Variants in CD83 observed in about 807,000 individuals in gnomAD.
The protein encoded by CD83 is CD83 molecule.
A neutral mutation model predicts 24.6 loss-of-function variants in CD83; 22 were observed. The ratio of observed to expected loss-of-function variants is 0.90; its 90% CI spans 0.64 to 1.28. The LOEUF is 1.28. Among genes scored for constraint, CD83 ranks in the 50% most tolerant of loss-of-function variants. The probability of loss-of-function intolerance (pLI) is 0.00; values close to 1 mark genes in which losing one functional copy is unlikely to be tolerated. For missense variants in CD83, 253 were observed against 252.8 expected, an observed-to-expected ratio of 1.00 and a Z score of -0.01; for synonymous variants, 101 against 103.5, an observed-to-expected ratio of 0.98 and a Z score of 0.14.
chr6:14,133,613 T>C (rs771430486), intron 3 of CD83, 36 bp from the exon 4 acceptor site: 2 of 1,418,364 alleles, frequency 1.4e-6, no homozygotes, highest in Non-Finnish European at 2.0e-6. Flanking sequence ...AAAAATCCTG[T>C]TAAAATGGCT....
chr6:14,126,439 TG>T (rs1759816399), intron 2 of CD83, among the ~76,000 whole-genome samples: 1 of 151,860 alleles, frequency 6.6e-6, no homozygotes, highest in Admixed American at 6.6e-5. Flanking sequence ...AGCCTGAGAG[TG>T]GTTCAGTCAG....
chr6:14,126,455 C>T (rs1399463140), intron 2 of CD83, among the ~76,000 whole-genome samples: 2 of 152,122 alleles, frequency 1.3e-5, no homozygotes, highest in East Asian at 1.9e-4. Flanking sequence ...AGTCAGTTGG[C>T]CAAGAGCAGA....
At chr6:14,121,502 G>A (rs1184116245) in intron 2 of CD83, among the ~76,000 whole-genome samples, 6 of 151,140 alleles carry the variant, frequency 4.0e-5, no homozygotes, top group Non-Finnish European at 8.8e-5. Flanking sequence ...GACTGGGTGT[G>A]GTGGCTGAGG....
At chr6:14,117,518 G>C (rs1281722764), upstream of CD83, 3 of 150,418 alleles carry the variant, frequency 2.0e-5, no homozygotes, top group African/African-American at 7.3e-5. The surrounding 1 kb of genome is among the most constrained non-coding windows in gnomAD (Gnocchi z 4.6). Flanking sequence ...CCGCAGCAGC[G>C]ACGCGAACTC....
intron 2 of CD83, among the ~76,000 whole-genome samples, chr6:14,120,572 A>T (rs1315082928): frequency 1.3e-5 from 2 of 152,200 alleles, no homozygotes; most frequent in Non-Finnish European, 2.9e-5. Context: ...CCAGCTTAGG[A>T]GGGGGCTTCA....
At chr6:14,121,950 T>C (rs1759680670) in intron 2 of CD83, among the ~76,000 whole-genome samples, 1 of 152,054 alleles carries the variant, frequency 6.6e-6, no homozygotes, top group Non-Finnish European at 1.5e-5. Context: ...TATCCCAGAG[T>C]TGCAATGCCT....
In CD83 at chr6:14,119,137, A is replaced by G. The variant is rs181438882; in HGVS notation, c.153+1072A>G. ...CAGTTCCCTGGGGGGCAGTGGCTGT[A>G]TCCATACTTCTGTGTATTCTTCACG... On this transcript the variant is annotated intron_variant, in intron 2 of 4. Coordinates refer to ENST00000379153, the MANE Select transcript of CD83 (RefSeq NM_004233.4). 6.6e-5 allele frequency among the ~76,000 whole-genome samples: 10 copies of G among 152,306 alleles called. No individual in the cohort carries two copies. The East Asian group carries it at 1.7e-3, about 26-fold the overall frequency.
intron 2 of CD83, among the ~76,000 whole-genome samples, chr6:14,120,328 T>C (rs1759643775): frequency 6.6e-6 from 1 of 152,204 alleles, no homozygotes; most frequent in Admixed American, 6.5e-5. Flanking sequence ...ATTATGCTTA[T>C]ACAACAAAAA....
upstream of CD83, among the ~76,000 whole-genome samples, chr6:14,117,484 G>A (rs952949469): frequency 9.2e-5 from 14 of 151,412 alleles, no homozygotes; most frequent in Non-Finnish European, 1.9e-4. This position sits in a 1 kb window ranked among gnomAD's most constrained non-coding sequence, Gnocchi z 4.6. Context: ...GGCGTCACGC[G>A]GGGATTGCTG....
intron 2 of CD83, among the ~76,000 whole-genome samples, chr6:14,119,215 G>A (rs1246014446): frequency 2.0e-5 from 3 of 152,158 alleles, no homozygotes; most frequent in Admixed American, 6.5e-5. Context: ...ATTCAGCCCA[G>A]CACTTCATGA....
At chr6:14,125,161 T>A (rs1024494668) in intron 2 of CD83, among the ~76,000 whole-genome samples, 27 of 152,234 alleles carry the variant, frequency 1.8e-4, no homozygotes, top group Non-Finnish European at 2.9e-4. Flanking sequence ...TCTGGCCTCC[T>A]GAACTGTGAG....
intron 2 of CD83, among the ~76,000 whole-genome samples, chr6:14,131,123 A>G (rs1264847858): frequency 1.3e-5 from 2 of 152,240 alleles, no homozygotes; most frequent in African/African-American, 2.4e-5. Flanking sequence ...AATAGGAATC[A>G]TTCAGTGGGT....
intron 3 of CD83, among the ~76,000 whole-genome samples, chr6:14,132,440 GATA>G (rs1757931444): frequency 6.6e-6 from 1 of 152,142 alleles, no homozygotes; most frequent in African/African-American, 2.4e-5. Context: ...CTTCCATGGC[GATA>G]TTGCCTACAA....
chr6:14,126,453 G>A (rs922993239), intron 2 of CD83, among the ~76,000 whole-genome samples: 36 of 152,100 alleles, frequency 2.4e-4, no homozygotes, highest in African/African-American at 8.5e-4. Flanking sequence ...TCAGTCAGTT[G>A]GCCAAGAGCA....
rs762995685 is a variant in CD83, at chr6:14,117,845, T to A, written c.34T>A (p.Cys12Ser). 6.3e-7 allele frequency: 1 copy of A among 1,575,312 alleles called. No homozygotes were observed. The highest frequency in any genetic ancestry group is 2.3e-5 in the East Asian group (1 of 42,876). Residue 12 changes from cysteine to serine, a missense_variant, in exon 1 of 5, where the codon TGC becomes AGC. By Grantham distance (112) the Cys-to-Ser change is moderately radical. Coordinates refer to ENST00000379153, the MANE Select transcript of CD83 (RefSeq NM_004233.4). This position sits in a 1 kb window ranked among gnomAD's most constrained non-coding sequence, Gnocchi z 4.6. Reference sequence around the variant, plus strand: ...CGGCCTCCAGCTTCTGCTCCTGAGCTGCGGTAGGGCTCGCGAGCGCCTGTC... The same window carrying A: ...CGGCCTCCAGCTTCTGCTCCTGAGCAGCGGTAGGGCTCGCGAGCGCCTGTC... ...SRGLQLLLLSCAYSLAPATPE... is the reference protein window; with the variant it reads ...SRGLQLLLLSSAYSLAPATPE...
chr6:14,128,360 T>C (rs1309453056), intron 2 of CD83, among the ~76,000 whole-genome samples: 1 of 152,142 alleles, frequency 6.6e-6, no homozygotes, highest in Admixed American at 6.5e-5. Flanking sequence ...AACATTAACA[T>C]AAAAACTACC....
At chr6:14,119,145 T>G (rs1292817047) in intron 2 of CD83, among the ~76,000 whole-genome samples, 1 of 152,362 alleles carries the variant, frequency 6.6e-6, no homozygotes, top group Admixed American at 6.5e-5. Flanking sequence ...GTATCCATAC[T>G]TCTGTGTATT....
In CD83 at chr6:14,129,843, G is replaced by A. The variant is rs1235875813; in HGVS notation, c.154-1677G>A. Among the ~76,000 whole-genome samples the A allele has an allele frequency of 2.0e-5, 3 of 150,648 alleles. No individual in the cohort carries two copies. The South Asian group carries it at 6.3e-4, about 31-fold the overall frequency. On this transcript the variant is annotated intron_variant, in intron 2 of 4. Coordinates refer to ENST00000379153, the MANE Select transcript of CD83 (RefSeq NM_004233.4). The surrounding 1 kb of genome is among the most constrained non-coding windows in gnomAD (Gnocchi z 4.3). ...ATGAAGCAGAAATGACTGTGTGTGT[G>A]TGTGTGTGTGTGTGTGTGTGTATAC... is the stretch of plus-strand genomic sequence containing the variant.
chr6:14,119,969 C>T (rs183781931), intron 2 of CD83, among the ~76,000 whole-genome samples: 10 of 152,270 alleles, frequency 6.6e-5, no homozygotes, highest in African/African-American at 2.2e-4. Context: ...CAGCTGGTGA[C>T]GTAACTCGGT....
Sources: allele counts gnomAD v4.1 joint callset (sites outside exome capture counted in the v4.1 genomes callset), GRCh38; gene constraint gnomAD v4.1.1; non-coding constraint Gnocchi (gnomAD v3.1); transcripts MANE v1.5; gene names NCBI Gene and HGNC (gene_info 2026-07-23, HGNC 2026-07-21).